CDH19: variants seen among roughly 807,000 people sequenced by gnomAD.
CDH19 encodes the protein cadherin-19.
Under a neutral mutation model 64.2 loss-of-function variants are expected in CDH19, and 67 were observed. That is an observed-to-expected ratio of 1.04 (90% CI 0.86 to 1.28). The LOEUF (loss-of-function observed/expected upper bound fraction) is 1.28. Ranked by LOEUF, CDH19 falls within the 50% of genes most tolerant of loss-of-function variation. The pLI, the probability that CDH19 is intolerant of heterozygous loss-of-function variation, is 0.00. For missense variants in CDH19, 1,030 were observed against 929.0 expected (o/e 1.11, Z -1.41); for synonymous variants, 346 against 319.3 (o/e 1.08, Z -0.89).
At chr18:66,565,020 A>T in intron 3 of CDH19, among the ~76,000 whole-genome samples, 1 of 151,808 alleles carries the variant, frequency 6.6e-6, no homozygotes, top group Non-Finnish European at 1.5e-5. Flanking sequence ...TTATATCCTA[A>T]ACTATTCTAA....
At chr18:66,536,031 G>A (rs1788750) in intron 7 of CDH19, among the ~76,000 whole-genome samples, 88,900 of 145,128 alleles carry the variant, frequency 0.61, 27,751 homozygotes, top group South Asian at 0.75. Context: ...TCTCCCAAGG[G>A]AAAAAAAAAA....
intron 1 of CDH19, among the ~76,000 whole-genome samples, chr18:66,581,722 C>A (rs1417869237): frequency 6.6e-6 from 1 of 152,018 alleles, no homozygotes; most frequent in South Asian, 2.1e-4. Flanking sequence ...CTGTTGGCCT[C>A]CCCGCTTTTG....
chr18:66,544,571 T>C, intron 6 of CDH19, 148 bp downstream of exon 6: 1 of 570,912 alleles, frequency 1.8e-6, no homozygotes, highest in Non-Finnish European at 2.9e-6. Flanking sequence ...AATAACTCTC[T>C]CATCTCTAAA....
intron 2 of CDH19, among the ~76,000 whole-genome samples, chr18:66,569,388 T>C (rs1424153350): frequency 6.6e-6 from 1 of 151,680 alleles, no homozygotes; most frequent in African/African-American, 2.4e-5. Flanking sequence ...TGTGTAGATA[T>C]AGAATTTACA....
At chr18:66,602,629 G>T (rs1989064852) in intron 1 of CDH19, among the ~76,000 whole-genome samples, 1 of 151,818 alleles carries the variant, frequency 6.6e-6, no homozygotes, top group Non-Finnish European at 1.5e-5. Flanking sequence ...ATTTACTAAT[G>T]TGTAAGACTG....
intron 4 of CDH19, among the ~76,000 whole-genome samples, chr18:66,551,460 G>A (rs1473955193): frequency 6.6e-6 from 1 of 151,830 alleles, no homozygotes; most frequent in Admixed American, 6.6e-5. Flanking sequence ...CACAATATTA[G>A]GAACACTGGT....
At chr18:66,522,412 G>A (rs891110093) in intron 9 of CDH19, among the ~76,000 whole-genome samples, 10 of 151,878 alleles carry the variant, frequency 6.6e-5, no homozygotes, top group Non-Finnish European at 1.5e-4. Flanking sequence ...CACTACGCCC[G>A]GCTAATTTCG....
Position 66,544,186 on chromosome 18 carries a change from T to C in CDH19, c.999A>G (p.Arg333=). ...DFEHQNHYGI[R]AKVKNHHVPE... is the part of the protein sequence containing the mutation. ...GAACATGATGGTTTTTAACTTTTGC[T>C]CTAATACCGTAGTGGTTCTGGTGCT... Residue 333 remains arginine, a synonymous_variant, in exon 7 of 12, where the codon AGA becomes AGG. Coordinates refer to ENST00000262150, the MANE Select transcript of CDH19 (RefSeq NM_021153.4). The C allele has an allele frequency of 6.2e-7, 1 of 1,613,888 alleles. No homozygotes were observed.
intron 1 of CDH19, among the ~76,000 whole-genome samples, chr18:66,590,023 G>A (rs904068666): frequency 5.3e-5 from 8 of 151,838 alleles, no homozygotes; most frequent in African/African-American, 1.9e-4. Context: ...TTGTGAATGT[G>A]GAGAATACCT....
intron 7 of CDH19, among the ~76,000 whole-genome samples, chr18:66,538,629 T>C (rs1302532647): frequency 6.6e-6 from 1 of 152,150 alleles, no homozygotes; most frequent in African/African-American, 2.4e-5. Context: ...AAATACACTT[T>C]CTAGGCCTGC....
In CDH19 at chr18:66,544,719, C is replaced by CT; in HGVS notation, c.959dup (p.Lys321GlufsTer5). 1.9e-6 allele frequency: 3 copies of CT among 1,586,302 alleles called. No homozygotes were observed. The highest frequency in any genetic ancestry group is 8.6e-7 in the Non-Finnish European group (1 of 1,162,864). On this transcript the variant is annotated frameshift_variant and splice_region_variant, in exon 6 of 12. Transcript: ENST00000262150. LOFTEE classifies it high-confidence loss of function. ...AGGCAAATAATTTTAACATGTCTAC[C>CT]TTTTTTAATATAACTATTCCTTCTT...
chr18:66,516,089 A>G (rs1020294317), intron 9 of CDH19, among the ~76,000 whole-genome samples: 1 of 151,976 alleles, frequency 6.6e-6, no homozygotes, highest in African/African-American at 2.4e-5. Context: ...CTGTGCTGAA[A>G]TTAGAAGATC....
intron 9 of CDH19, among the ~76,000 whole-genome samples, chr18:66,527,754 A>ATC (rs914298111): frequency 1.8e-4 from 28 of 151,362 alleles, no homozygotes; most frequent in Non-Finnish European, 3.4e-4. Flanking sequence ...AGCTCCATCT[A>ATC]TATATATATA....
rs375939762 is a variant in CDH19 at position 66,550,060 on chromosome 18, T to G, written c.775+1034A>C. Among the ~76,000 whole-genome samples, 3 of 152,158 alleles carry G rather than the reference T, an allele frequency of 2.0e-5. No homozygotes were observed. In the South Asian group the frequency reaches 6.2e-4, roughly 32 times the overall value. On this transcript the variant is annotated intron_variant, in intron 5 of 11. Coordinates refer to ENST00000262150, the MANE Select transcript of CDH19 (RefSeq NM_021153.4). The stretch of plus-strand genomic sequence containing the variant: ...TTTCTGTCTATAAACAATCAATAAC[T>G]AAGAAATCATGCTATGGTATATATT...
At chr18:66,596,422 G>A (rs906372044) in intron 1 of CDH19, 1 of 152,018 alleles carries the variant, frequency 6.6e-6, no homozygotes, top group South Asian at 2.1e-4. Context: ...TCTGCCCAGA[G>A]GTTCCTAGAT....
chr18:66,602,366 C>G (rs1236946841), intron 1 of CDH19, among the ~76,000 whole-genome samples: 4 of 151,844 alleles, frequency 2.6e-5, no homozygotes, highest in Non-Finnish European at 5.9e-5. Context: ...GGAGAAATTC[C>G]TGAAAGATGG....
At chr18:66,571,682 A>C (rs952430999) in intron 2 of CDH19, among the ~76,000 whole-genome samples, 2 of 151,694 alleles carry the variant, frequency 1.3e-5, no homozygotes, top group African/African-American at 4.8e-5. Context: ...ATCGGGCTAA[A>C]TACTGTTGGT....
rs369228136 is a variant in CDH19 at position 66,544,941 on chromosome 18, T to C, written c.776-38A>G. ...AATTGGAGGTATTTTGGATAAATACTTAATATAGACAACTTGCAATTATAG... is the reference window on the plus strand; with the variant it reads ...AATTGGAGGTATTTTGGATAAATACCTAATATAGACAACTTGCAATTATAG... On this transcript the variant is annotated intron_variant, in intron 5 of 11. Transcript: ENST00000262150. 7.5e-5 allele frequency: 103 copies of C among 1,381,232 alleles called. 1 individual carries two copies. The highest frequency in any genetic ancestry group is 9.8e-5 in the Non-Finnish European group (100 of 1,017,038). 85.6% of individuals were successfully genotyped at this position (1,381,232 alleles called of 1,614,324 possible).
chr18:66,520,482 G>A (rs1387801098), intron 9 of CDH19, among the ~76,000 whole-genome samples: 1 of 150,208 alleles, frequency 6.7e-6, no homozygotes, highest in Non-Finnish European at 1.5e-5. Context: ...AGAAAATATT[G>A]TATAATTTTT....
Sources: allele counts gnomAD v4.1 joint callset (sites outside exome capture counted in the v4.1 genomes callset), GRCh38; gene constraint gnomAD v4.1.1; transcripts MANE v1.5; gene names NCBI Gene and HGNC (gene_info 2026-07-23, HGNC 2026-07-21).